Variants in IL6R observed in about 807,000 individuals in gnomAD.
The protein encoded by IL6R is interleukin 6 receptor.
Under a neutral mutation model 48.3 loss-of-function variants are expected in IL6R, and 38 were observed. That is an observed-to-expected ratio of 0.79 (90% confidence interval 0.61 to 1.03). The LOEUF (loss-of-function observed/expected upper bound fraction) is 1.03. IL6R is among the 50% of genes least tolerant of loss of function. The probability of loss-of-function intolerance (pLI) is 0.00; values close to 1 mark genes in which losing one functional copy is unlikely to be tolerated. For synonymous variants in IL6R, 264 were observed against 256.2 expected, an observed-to-expected ratio of 1.03 and a Z score of -0.29; for missense variants, 534 against 618.3, an observed-to-expected ratio of 0.86 and a Z score of 1.45.
intron 1 of IL6R, among the ~76,000 whole-genome samples, chr1:154,421,540 C>T (rs1328800397): frequency 3.3e-5 from 5 of 152,240 alleles, no homozygotes; most frequent in Non-Finnish European, 7.3e-5. Flanking sequence ...TGCTCACACC[C>T]TCCATGTTCC....
rs546621132 is a variant in IL6R at position 154,405,752 on chromosome 1, T to C, written c.85+38T>C. 3 of 1,389,114 alleles carry C rather than the reference T, an allele frequency of 2.2e-6. No individual in the cohort carries two copies. The highest frequency in any genetic ancestry group is 3.1e-5 in the African/African-American group (2 of 65,542). The allele number at this position is 1,389,114 out of a possible 1,614,324, so 86.0% of individuals were successfully genotyped here. On this transcript the variant is annotated intron_variant, in intron 1 of 9. Coordinates refer to ENST00000368485, the MANE Select transcript of IL6R (RefSeq NM_000565.4). This position sits in a 1 kb window ranked among gnomAD's most constrained non-coding sequence, Gnocchi z 5.2. The stretch of plus-strand genomic sequence containing the variant: ...GGCGCACCTGGAGGGCTGGGGCAGC[T>C]AGCGGCTGGGGGAAACCGCCTTGGT...
At chr1:154,428,936 T>C (rs529878409) in intron 1 of IL6R, among the ~76,000 whole-genome samples, 1 of 152,194 alleles carries the variant, frequency 6.6e-6, no homozygotes, top group South Asian at 2.1e-4. Flanking sequence ...TTGTGGATGG[T>C]GGCAGGCCCT....
intron 1 of IL6R, among the ~76,000 whole-genome samples, chr1:154,421,931 CT>C (rs894793387): frequency 6.9e-6 from 1 of 144,510 alleles, no homozygotes; most frequent in African/African-American, 2.6e-5. Flanking sequence ...ACTCTCAATT[CT>C]TTTTTTTTTA....
intron 6 of IL6R, among the ~76,000 whole-genome samples, chr1:154,442,716 T>A (rs1435159692): frequency 6.6e-6 from 1 of 152,184 alleles, no homozygotes; most frequent in Non-Finnish European, 1.5e-5. Context: ...GTTCTGAATT[T>A]ATCCTCTCCT....
chr1:154,411,980 C>T (rs1221993245), intron 1 of IL6R, among the ~76,000 whole-genome samples: 5 of 140,434 alleles, frequency 3.6e-5, no homozygotes, highest in South Asian at 2.3e-4. Flanking sequence ...TGGAGTCTTG[C>T]TCTGTCGCCC....
chr1:154,447,476 T>TATATATATATATACATAC (rs1424013885), intron 6 of IL6R, among the ~76,000 whole-genome samples: 1 of 68,826 alleles, frequency 1.5e-5, no homozygotes, highest in Non-Finnish European at 2.8e-5. Context: ...TATATATATA[T>TATATATATATATACATAC]ACACACACAC....
Position 154,422,480 on chromosome 1 carries a change from G to A in IL6R, c.86-6716G>A, listed in dbSNP as rs570803644. Among the ~76,000 whole-genome samples the A allele has an allele frequency of 1.2e-4, 19 of 152,274 alleles. 1 individual carries two copies. Among genetic ancestry groups the A allele is most frequent in the Admixed American group, 1.1e-3 (17 of 15,300 alleles). On this transcript the variant is annotated intron_variant, in intron 1 of 9. Coordinates refer to ENST00000368485, the MANE Select transcript of IL6R (RefSeq NM_000565.4). ...CTTTGTGGGGTTTAAAGAAGATTACGATATGGAAATGATAGGAAGGAGTGC... is the reference window on the plus strand; with the variant it reads ...CTTTGTGGGGTTTAAAGAAGATTACAATATGGAAATGATAGGAAGGAGTGC...
chr1:154,449,324 G>A (rs1415123943), intron 7 of IL6R, among the ~76,000 whole-genome samples: 2 of 152,014 alleles, frequency 1.3e-5, no homozygotes, highest in Admixed American at 6.5e-5. Context: ...AGACCATCCT[G>A]ACCAACATGG....
At chr1:154,459,205 G>A (rs529829351) in intron 9 of IL6R, among the ~76,000 whole-genome samples, 1 of 152,306 alleles carries the variant, frequency 6.6e-6, no homozygotes, top group Admixed American at 6.5e-5. Context: ...ATTAGGTTGG[G>A]AACAGACCTG....
intron 9 of IL6R, among the ~76,000 whole-genome samples, chr1:154,462,612 A>T (rs1329855380): frequency 1.3e-5 from 2 of 151,828 alleles, no homozygotes; most frequent in Middle Eastern, 6.8e-3. Context: ...TGACCTCGTT[A>T]TCTGCCCGCC....
intron 1 of IL6R, among the ~76,000 whole-genome samples, chr1:154,412,548 G>A (rs1570919175): frequency 6.6e-6 from 1 of 152,128 alleles, no homozygotes; most frequent in Non-Finnish European, 1.5e-5. Context: ...GTGAGCTACC[G>A]CGCCCGGCCT....
Position 154,465,144 on chromosome 1 carries a change from A to G in IL6R, c.1171A>G (p.Thr391Ala). 6.2e-7 allele frequency: 1 copy of G among 1,614,108 alleles called. No individual in the cohort carries two copies. Among genetic ancestry groups the G allele is most frequent in the Non-Finnish European group, 8.5e-7 (1 of 1,180,026 alleles). Reference sequence around the variant, plus strand: ...TGTGTTTGTGTGAAGGTTCAAGAAGACGTGGAAGCTGCGGGCTCTGAAGGA... The same window carrying G: ...TGTGTTTGTGTGAAGGTTCAAGAAGGCGTGGAAGCTGCGGGCTCTGAAGGA... ...CIAIVLRFKK[T>A]WKLRALKEGK... is the part of the protein sequence containing the mutation. Residue 391 changes from threonine (T) to alanine (A), a missense_variant, in exon 10 of 10, where the codon ACG becomes GCG. By Grantham distance (58) the Thr-to-Ala change is moderately conservative. Coordinates refer to ENST00000368485, the MANE Select transcript of IL6R (RefSeq NM_000565.4).
At chr1:154,413,677 G>A (rs935354824) in intron 1 of IL6R, among the ~76,000 whole-genome samples, 1 of 151,342 alleles carries the variant, frequency 6.6e-6, no homozygotes, top group Non-Finnish European at 1.5e-5. Flanking sequence ...ACTATGACCT[G>A]CCTGTTCATA....
At chr1:154,447,968 C>T (rs576187001) in intron 6 of IL6R, among the ~76,000 whole-genome samples, 157 bp from the exon 7 acceptor site, 1 of 152,268 alleles carries the variant, frequency 6.6e-6, no homozygotes, top group East Asian at 1.9e-4. Flanking sequence ...CCCATCCTCC[C>T]AAAGTGCTGG....
chr1:154,455,960 G>A (rs1557779564), intron 9 of IL6R, among the ~76,000 whole-genome samples: 1 of 151,872 alleles, frequency 6.6e-6, no homozygotes, highest in Admixed American at 6.5e-5. Context: ...GGGAAACTGA[G>A]GCAGGAGAAT....
chr1:154,413,073 C>G (rs1392137236), intron 1 of IL6R, among the ~76,000 whole-genome samples: 1 of 150,504 alleles, frequency 6.6e-6, no homozygotes, highest in Non-Finnish European at 1.5e-5. Context: ...ACGATGTTGG[C>G]TCACTGCAAC....
intron 9 of IL6R, among the ~76,000 whole-genome samples, chr1:154,458,984 G>A (rs900352031): frequency 3.3e-5 from 5 of 151,978 alleles, no homozygotes; most frequent in Admixed American, 6.6e-5. Context: ...GGGTCATCTA[G>A]TCAAACTCTT....
At chr1:154,419,811 A>C (rs1485438058) in intron 1 of IL6R, among the ~76,000 whole-genome samples, 2 of 152,188 alleles carry the variant, frequency 1.3e-5, no homozygotes, top group Admixed American at 1.3e-4. Flanking sequence ...CTGGTTATTG[A>C]CATTTGCAAG....
intron 9 of IL6R, among the ~76,000 whole-genome samples, chr1:154,460,799 T>C (rs1444513129): frequency 2.0e-5 from 3 of 152,270 alleles, no homozygotes; most frequent in African/African-American, 7.2e-5. Context: ...GAAACCTCTG[T>C]AGGGTCCAGC....
Sources: gnomAD v4.1 joint callset for allele counts (sites outside exome capture counted in the v4.1 genomes callset) on GRCh38, gnomAD v4.1.1 for gene constraint, Gnocchi (gnomAD v3.1) non-coding constraint, MANE v1.5 for transcripts, NCBI Gene and HGNC (gene_info 2026-07-23, HGNC 2026-07-21) for gene names.